The following C9 variants were observed in gnomAD, a reference collection of about 807,000 sequenced individuals.
C9 encodes the protein complement component C9.
A neutral mutation model predicts 65.4 loss-of-function variants in C9; 63 were observed. That is an observed-to-expected ratio of 0.96 (90% CI 0.79 to 1.19). The LOEUF is 1.19. C9 is among the 50% of genes most tolerant of loss of function. The pLI, the probability that C9 is intolerant of heterozygous loss-of-function variation, is 0.00. For synonymous variants in C9, 229 were observed against 227.9 expected (o/e 1.00, Z -0.04); for missense variants, 744 against 670.1 (o/e 1.11, Z -1.22).
At chr5:39,311,879 A>G (rs1176404593) in intron 6 of C9, among the ~76,000 whole-genome samples, 1 of 152,232 alleles carries the variant, frequency 6.6e-6, no homozygotes, top group Non-Finnish European at 1.5e-5. Context: ...GATACATGTA[A>G]CAACATAAAT....
chr5:39,349,449 A>G (rs1754277756), intron 1 of C9, among the ~76,000 whole-genome samples: 1 of 152,174 alleles, frequency 6.6e-6, no homozygotes, highest in Non-Finnish European at 1.5e-5. Flanking sequence ...CTTCACAATA[A>G]CACTTCTTAG....
At chr5:39,335,897 C>T (rs750366597) in intron 4 of C9, among the ~76,000 whole-genome samples, 4 of 151,988 alleles carry the variant, frequency 2.6e-5, no homozygotes, top group African/African-American at 7.2e-5. Flanking sequence ...AGCTCAGAGA[C>T]GGAAATGGCA....
At chr5:39,359,060 G>GTA (rs548144571) in intron 1 of C9, among the ~76,000 whole-genome samples, 25 of 134,066 alleles carry the variant, frequency 1.9e-4, no homozygotes, top group African/African-American at 4.1e-4. Context: ...ATATATATGT[G>GTA]TATATATATA....
chr5:39,309,176 A>C (rs1753432607), intron 7 of C9, among the ~76,000 whole-genome samples: 1 of 152,096 alleles, frequency 6.6e-6, no homozygotes, highest in Non-Finnish European at 1.5e-5. Flanking sequence ...AAAAAAAATA[A>C]TTATTCCTCT....
At chr5:39,307,098 A>G (rs1455513064) in intron 8 of C9, among the ~76,000 whole-genome samples, 3 of 152,212 alleles carry the variant, frequency 2.0e-5, no homozygotes, top group African/African-American at 7.2e-5. Flanking sequence ...CGGGAACTAA[A>G]TATGACTTTG....
At chr5:39,313,416 A>C (rs1465074555) in intron 6 of C9, among the ~76,000 whole-genome samples, 1 of 152,138 alleles carries the variant, frequency 6.6e-6, no homozygotes, top group African/African-American at 2.4e-5. Flanking sequence ...TTGACATGTT[A>C]GCACAATTGA....
chr5:39,320,643 G>A (rs1754989254), intron 5 of C9, among the ~76,000 whole-genome samples: 1 of 151,430 alleles, frequency 6.6e-6, no homozygotes, highest in Admixed American at 6.6e-5. Flanking sequence ...TTTCCCCAAT[G>A]TGGAGAAAAA....
intron 1 of C9, among the ~76,000 whole-genome samples, chr5:39,343,490 A>G (rs1170411979): frequency 6.6e-6 from 1 of 152,200 alleles, no homozygotes. Flanking sequence ...GGCGCCCGCC[A>G]TTGCTGAGGC....
At chr5:39,311,106 T>A (rs1044900438) in intron 7 of C9, 31 bp downstream of exon 7, 2 of 1,610,748 alleles carry the variant, frequency 1.2e-6, no homozygotes, top group African/African-American at 2.7e-5. Flanking sequence ...CAAAACAGTA[T>A]TTGAAGTCAG....
chr5:39,325,550 G>A (rs141646247), intron 5 of C9, among the ~76,000 whole-genome samples: 6 of 152,014 alleles, frequency 3.9e-5, no homozygotes, highest in South Asian at 2.1e-4. Context: ...CGAGGCAGGC[G>A]GATCATGATG....
At chr5:39,325,672 T>A (rs2111916858) in intron 5 of C9, among the ~76,000 whole-genome samples, 1 of 149,958 alleles carries the variant, frequency 6.7e-6, no homozygotes, top group South Asian at 2.1e-4. Context: ...CTCAGGAGGC[T>A]GAGGCAGGAG....
At chr5:39,346,674 G>A (rs1754203142) in intron 1 of C9, among the ~76,000 whole-genome samples, 1 of 152,160 alleles carries the variant, frequency 6.6e-6, no homozygotes, top group Non-Finnish European at 1.5e-5. Flanking sequence ...CATTTTATGA[G>A]GCCAGCATCA....
At chr5:39,360,260 A>G (rs1754492102) in intron 1 of C9, among the ~76,000 whole-genome samples, 1 of 152,060 alleles carries the variant, frequency 6.6e-6, no homozygotes, top group Non-Finnish European at 1.5e-5. Flanking sequence ...GATATCTACT[A>G]CTATTATTAT....
At chr5:39,350,494 G>A (rs991780332) in intron 1 of C9, among the ~76,000 whole-genome samples, 16 of 152,290 alleles carry the variant, frequency 1.1e-4, no homozygotes, top group African/African-American at 3.6e-4. Flanking sequence ...TCTGAGACAA[G>A]GCAAGTCCCT....
rs778186699 is a variant in C9 at position 39,311,208 on chromosome 5, C to T, written c.1040G>A (p.Ser347Asn). 1 of 1,612,450 alleles carries T rather than the reference C, an allele frequency of 6.2e-7. No individual in the cohort carries two copies. The highest frequency in any genetic ancestry group is 8.5e-7 in the Non-Finnish European group (1 of 1,178,560). Residue 347 changes from serine to asparagine, a missense_variant, in exon 7 of 11, where the codon AGT (serine) becomes AAT (asparagine). Transcript: ENST00000263408. ...AFLETYGTHY[S>N]SSGSLGGLYE... The stretch of plus-strand genomic sequence containing the variant: ...GAGTCCTCCTAGAGACCCAGAGCTA[C>T]TGTAGTGAGTTCCATAGGTTTCCAA...
intron 4 of C9, among the ~76,000 whole-genome samples, chr5:39,334,003 G>A (rs1280371516): frequency 6.6e-6 from 1 of 152,170 alleles, no homozygotes; most frequent in South Asian, 2.1e-4. Flanking sequence ...CCCCCAAAGT[G>A]CCGAGATTGC....
intron 4 of C9, among the ~76,000 whole-genome samples, chr5:39,332,813 G>A (rs78821685): frequency 0.027 from 4,136 of 152,294 alleles, 181 homozygotes; most frequent in African/African-American, 0.094. Flanking sequence ...GTAAACCCAT[G>A]GCTTATGCAA....
chr5:39,349,597 C>T (rs987704880), intron 1 of C9, among the ~76,000 whole-genome samples: 1 of 152,248 alleles, frequency 6.6e-6, no homozygotes, highest in Non-Finnish European at 1.5e-5. Context: ...GTAGTGAGCA[C>T]CCTCGTCTCT....
intron 5 of C9, among the ~76,000 whole-genome samples, chr5:39,329,995 C>T (rs763675816): frequency 2.6e-5 from 4 of 152,148 alleles, no homozygotes; most frequent in South Asian, 4.1e-4. Context: ...GGAGCAGCAA[C>T]GGAGTGATGT....
Sources: allele counts gnomAD v4.1 joint callset (sites outside exome capture counted in the v4.1 genomes callset), GRCh38; gene constraint gnomAD v4.1.1; transcripts MANE v1.5; gene names NCBI Gene and HGNC (gene_info 2026-07-23, HGNC 2026-07-21).